The following GABRA4 variants were observed in gnomAD, a reference collection of about 807,000 sequenced individuals.
GABRA4 encodes the protein gamma-aminobutyric acid receptor subunit alpha-4.
GABRA4 carries 12 observed loss-of-function variants against 49.7 expected under a neutral mutation model. The observed-to-expected ratio is 0.24, with a 90% CI of 0.15 to 0.39. GABRA4 has a LOEUF of 0.39. Ranked by LOEUF, GABRA4 falls within the 10% of genes least tolerant of loss-of-function variation. The pLI is 1.00. For missense variants in GABRA4, 506 were observed against 686.0 expected (o/e 0.74, Z 2.93); for synonymous variants, 288 against 240.2 (o/e 1.20, Z -1.84).
At chr4:46,947,157 A>C (rs1024093158) in intron 8 of GABRA4, among the ~76,000 whole-genome samples, 1 of 151,846 alleles carries the variant, frequency 6.6e-6, no homozygotes, top group African/African-American at 2.4e-5. Context: ...CATGTTGCTC[A>C]TGCCTTCATT....
At chr4:46,970,983 G>A (rs1433084490) in intron 7 of GABRA4, 100 bp downstream of exon 7, 1 of 1,061,060 alleles carries the variant, frequency 9.4e-7, no homozygotes, top group African/African-American at 1.6e-5. Flanking sequence ...ATTCAGGATA[G>A]CCTGATGTAT....
chr4:46,974,618 G>A (rs1723072558), intron 5 of GABRA4, among the ~76,000 whole-genome samples: 1 of 151,848 alleles, frequency 6.6e-6, no homozygotes, highest in Non-Finnish European at 1.5e-5. Context: ...CCAAATAAAG[G>A]AGGAGGAGAT....
chr4:46,918,938 A>G lies in GABRA4; in HGVS notation c.*9287T>C, dbSNP rs2109924687. ...TATGTTTATTGTTTTAAATTTAAAT[A>G]GAAAAAATACATTAGAGGGATATAA... On this transcript the variant is annotated 3_prime_UTR_variant, in exon 9 of 9. Transcript: ENST00000264318. 6.6e-6 allele frequency: 1 copy of G among 151,880 alleles called. No homozygotes were observed. The allele number at this position is 151,880 out of a possible 1,614,324, so 9.4% of individuals were successfully genotyped here.
intron 8 of GABRA4, among the ~76,000 whole-genome samples, chr4:46,938,026 G>A (rs571144528): frequency 1.3e-3 from 199 of 152,202 alleles, no homozygotes; most frequent in Non-Finnish European, 2.2e-3. Flanking sequence ...ATTGAAAAAT[G>A]TAATTAACAA....
intron 3 of GABRA4, among the ~76,000 whole-genome samples, chr4:46,978,068 T>C (rs960840711): frequency 2.6e-5 from 4 of 152,020 alleles, no homozygotes; most frequent in Non-Finnish European, 1.5e-5. Flanking sequence ...TTCACAAAGT[T>C]TATTAAAATG....
In GABRA4 at chr4:46,925,155, C is replaced by T. The variant is rs978004034; in HGVS notation, c.*3070G>A. ...TAAGGTGAGATTATTGAAAAATGAC[C>T]TTTCAAAGTTCTTTCCAACCCTGTG... is the stretch of plus-strand genomic sequence containing the variant. On this transcript the variant is annotated 3_prime_UTR_variant, in exon 9 of 9. Coordinates refer to ENST00000264318, the MANE Select transcript of GABRA4 (RefSeq NM_000809.4). 4.0e-5 allele frequency: 6 copies of T among 151,818 alleles called. No homozygotes were observed. Among genetic ancestry groups the T allele is most frequent in the African/African-American group, 1.5e-4 (6 of 41,372 alleles). 9.4% of individuals were successfully genotyped at this position (151,818 alleles called of 1,614,324 possible).
chr4:46,981,102 C>G (rs1577792226), intron 2 of GABRA4, among the ~76,000 whole-genome samples: 1 of 152,052 alleles, frequency 6.6e-6, no homozygotes, highest in African/African-American at 2.4e-5. Flanking sequence ...TGCGGCCTCA[C>G]AATTTGCATT....
chr4:46,932,016 T>C (rs112849059), intron 8 of GABRA4, among the ~76,000 whole-genome samples: 41 of 152,270 alleles, frequency 2.7e-4, no homozygotes, highest in African/African-American at 9.4e-4. Flanking sequence ...TGCAATATTA[T>C]TGTGGCAATA....
chr4:46,965,148 A>G lies in GABRA4; in HGVS notation c.956T>C (p.Met319Thr). ...SLPKVSYATA[M>T]DWFIAVCFAF... is the part of the protein sequence containing the mutation. ...AAAGCAGACAGCTATGAACCAGTCCATGGCGGTAGCATAGGACACTTTGGG... is the reference window on the plus strand; with the variant it reads ...AAAGCAGACAGCTATGAACCAGTCCGTGGCGGTAGCATAGGACACTTTGGG... Residue 319 changes from methionine (M) to threonine (T), a missense_variant, in exon 8 of 9, where the codon ATG (methionine) becomes ACG (threonine). Around this residue, in one of 5 missense-constraint regions of GABRA4, gnomAD observed 33 missense variants for 102.5 expected, o/e 0.32. Transcript: ENST00000264318. 6.2e-7 allele frequency: 1 copy of G among 1,611,794 alleles called. No homozygotes were observed. Among genetic ancestry groups the G allele is most frequent in the Non-Finnish European group, 8.5e-7 (1 of 1,178,646 alleles).
intron 8 of GABRA4, among the ~76,000 whole-genome samples, chr4:46,935,995 G>T (rs1406263001): frequency 6.6e-6 from 1 of 152,136 alleles, no homozygotes; most frequent in Admixed American, 6.5e-5. Flanking sequence ...TTATGCATAA[G>T]ACGTATGTCA....
In GABRA4 at chr4:46,920,573, A is replaced by G. The variant is rs1190814389; in HGVS notation, c.*7652T>C. Reference sequence around the variant, plus strand: ...ATATATGATCTGCAAAATTCAAGGGAGAATTTTTATCAAATTGTGTAAATC... The same window carrying G: ...ATATATGATCTGCAAAATTCAAGGGGGAATTTTTATCAAATTGTGTAAATC... On this transcript the variant is annotated 3_prime_UTR_variant, in exon 9 of 9. Coordinates refer to ENST00000264318, the MANE Select transcript of GABRA4 (RefSeq NM_000809.4). 6.6e-6 allele frequency: 1 copy of G among 151,708 alleles called. No individual in the cohort carries two copies. The highest frequency in any genetic ancestry group is 6.6e-5 in the Admixed American group (1 of 15,226). The allele number at this position is 151,708 out of a possible 1,614,324, so 9.4% of individuals were successfully genotyped here. A position where few individuals can be genotyped will look rare whatever the true frequency, so the allele number is the denominator to read the frequency against.
In GABRA4 at chr4:46,922,070, TGTAGAG is replaced by T. The variant is rs1201931958; in HGVS notation, c.*6149_*6154del. ...TACTATATACTTCCGAATAGTGGAA[TGTAGAG>T]GTAAAGATAAAAATTCTGATAGACT... On this transcript the variant is annotated 3_prime_UTR_variant, in exon 9 of 9. Transcript: ENST00000264318. The T allele has an allele frequency of 6.6e-6, 1 of 152,056 alleles. No homozygotes were observed. Among genetic ancestry groups the T allele is most frequent in the Non-Finnish European group, 1.5e-5 (1 of 68,010 alleles). 9.4% of individuals were successfully genotyped at this position (152,056 alleles called of 1,614,324 possible).
intron 2 of GABRA4, among the ~76,000 whole-genome samples, chr4:46,991,643 G>GCA (rs1395783694): frequency 1.3e-5 from 2 of 152,032 alleles, no homozygotes; most frequent in Non-Finnish European, 2.9e-5. Flanking sequence ...ATCCCCATCT[G>GCA]CACGGCTTTG....
At chr4:46,986,734 C>T (rs971095966) in intron 2 of GABRA4, among the ~76,000 whole-genome samples, 1 of 152,090 alleles carries the variant, frequency 6.6e-6, no homozygotes, top group Non-Finnish European at 1.5e-5. Context: ...AGGTACCATA[C>T]CTGCATACAA....
In GABRA4 at chr4:46,928,075, T is replaced by C. The variant is rs1721294263; in HGVS notation, c.*150A>G. ...GTTCACTTTTTCACTCAGGAATTAA[T>C]TAACTCTCCCAATAACTGGCTTATA... is the stretch of plus-strand genomic sequence containing the variant. On this transcript the variant is annotated 3_prime_UTR_variant, in exon 9 of 9. Transcript: ENST00000264318. The C allele has an allele frequency of 1.5e-6, 1 of 651,560 alleles. No individual in the cohort carries two copies. The highest frequency in any genetic ancestry group is 4.4e-4 in the Middle Eastern group (1 of 2,292). 40.4% of individuals were successfully genotyped at this position (651,560 alleles called of 1,614,324 possible). A position where few individuals can be genotyped will look rare whatever the true frequency, so the allele number is the denominator to read the frequency against.
At chr4:46,965,392 T>A (rs1722718810) in intron 7 of GABRA4, among the ~76,000 whole-genome samples, 163 bp from the exon 8 acceptor site, 1 of 151,830 alleles carries the variant, frequency 6.6e-6, no homozygotes. Flanking sequence ...ATCTTAGTGG[T>A]TCAATAAAAT....
intron 2 of GABRA4, among the ~76,000 whole-genome samples, chr4:46,986,169 T>A (rs950335500): frequency 2.0e-5 from 3 of 152,138 alleles, no homozygotes; most frequent in Admixed American, 1.3e-4. Flanking sequence ...TCCCACCAAC[T>A]TTAAAAGTAT....
intron 8 of GABRA4, among the ~76,000 whole-genome samples, chr4:46,943,977 G>T (rs140474494): frequency 1.3e-5 from 2 of 152,084 alleles, no homozygotes; most frequent in African/African-American, 4.8e-5. Context: ...GGTGGTGTGG[G>T]CCAGGGGGGA....
At chr4:46,933,944 C>A (rs1721525774) in intron 8 of GABRA4, among the ~76,000 whole-genome samples, 1 of 152,120 alleles carries the variant, frequency 6.6e-6, no homozygotes, top group Non-Finnish European at 1.5e-5. Flanking sequence ...CAAACAGGAG[C>A]AGATCCAGGC....
Sources: allele counts gnomAD v4.1 joint callset (sites outside exome capture counted in the v4.1 genomes callset), GRCh38; gene constraint gnomAD v4.1.1; regional missense constraint gnomAD v4.1.1; transcripts MANE v1.5; gene names NCBI Gene and HGNC (gene_info 2026-07-23, HGNC 2026-07-21).